The following SPATA7 variants were observed in gnomAD, a reference collection of about 807,000 sequenced individuals.
SPATA7 encodes spermatogenesis associated 7, also known as spermatogenesis-associated protein 7.
A neutral mutation model predicts 51.8 loss-of-function variants in SPATA7; 43 were observed. That is an observed-to-expected ratio of 0.83 (90% CI 0.65 to 1.07). The LOEUF (loss-of-function observed/expected upper bound fraction) is 1.07. Ranked by LOEUF, SPATA7 falls within the 50% of genes least tolerant of loss-of-function variation. The probability of loss-of-function intolerance (pLI) is 0.00; values close to 1 mark genes in which losing one functional copy is unlikely to be tolerated. For missense variants in SPATA7, 683 were observed against 701.3 expected (o/e 0.97, Z 0.30); for synonymous variants, 230 against 252.8 (o/e 0.91, Z 0.86).
chr14:88,385,719 CTCCTCTTTTCCAGTCCTCCACT>C lies in SPATA7; in HGVS notation c.-99_-78del. The C allele has an allele frequency of 8.4e-7, 1 of 1,195,070 alleles. No homozygotes were observed. The highest frequency in any genetic ancestry group is 1.2e-6 in the Non-Finnish European group (1 of 821,206). The allele number at this position is 1,195,070 out of a possible 1,614,324, so 74.0% of individuals were successfully genotyped here. ...TCCCTGCTGCTGCAGCCCCCGTCGG[CTCCTCTTTTCCAGTCCTCCACT>C]GCCGGGGCTGGGCCCGGCCGCGGGA... On this transcript the variant is annotated 5_prime_UTR_variant, in exon 1 of 12. Transcript: ENST00000393545.
chr14:88,469,447 G>GT lies in SPATA7; in HGVS notation c.255-397dup. The GT allele has an allele frequency of 7.0e-7, 1 of 1,437,260 alleles. No homozygotes were observed. The highest frequency in any genetic ancestry group is 1.4e-5 in the African/African-American group (1 of 71,250). The allele number at this position is 1,437,260 out of a possible 1,614,324, so 89.0% of individuals were successfully genotyped here. A position where few individuals can be genotyped will look rare whatever the true frequency, so the allele number is the denominator to read the frequency against. On this transcript the variant is annotated intron_variant, in intron 4 of 4. Coordinates refer to the SPATA7 transcript ENST00000556406. The surrounding 1 kb of genome is among the most constrained non-coding windows in gnomAD (Gnocchi z 4.3). The stretch of plus-strand genomic sequence containing the variant: ...TTCGGAAACATAAATGTTCCTCTCT[G>GT]TTTAACACCTCCAGAGGCAGCTGTC...
chr14:88,463,034 A>ATTT (rs1483572170), intron 4 of SPATA7, among the ~76,000 whole-genome samples: 2 of 152,146 alleles, frequency 1.3e-5, no homozygotes, highest in African/African-American at 2.4e-5. Context: ...TAATGTCAAC[A>ATTT]TTTTTGGAAA....
chr14:88,446,135 G>A (rs559467069), intron 3 of SPATA7, among the ~76,000 whole-genome samples: 1 of 152,244 alleles, frequency 6.6e-6, no homozygotes, highest in Non-Finnish European at 1.5e-5. Context: ...TGGTTGGTAA[G>A]CTATTGATTA....
chr14:88,434,907 T>G (rs1360278663), intron 10 of SPATA7, among the ~76,000 whole-genome samples: 1 of 151,764 alleles, frequency 6.6e-6, no homozygotes, highest in African/African-American at 2.4e-5. Flanking sequence ...AACTCTGAGG[T>G]TGGTTCATAA....
At chr14:88,421,085 G>C (rs2076629119) in intron 5 of SPATA7, among the ~76,000 whole-genome samples, 6 of 152,020 alleles carry the variant, frequency 3.9e-5, no homozygotes, top group Admixed American at 3.9e-4. Flanking sequence ...CTGCACTCCA[G>C]CCTGGTGACA....
At position 88,429,368 on chromosome 14, in the gene SPATA7, T is replaced by C. The variant is rs1460890853; in HGVS notation, c.933T>C (p.Tyr311=). The change falls in exon 8 of 12, where the codon TAT becomes TAC. Residue 311 remains tyrosine, a synonymous_variant. Transcript: ENST00000393545. ...CCCAGGCATCTAATTGTGTGACATA[T>C]GATGCCAAAGAAAAAATAGCTCCTT... The part of the protein sequence containing the change: ...NIKQASNCVT[Y]DAKEKIAPLP... The C allele has an allele frequency of 1.9e-6, 3 of 1,608,922 alleles. No homozygotes were observed. The highest frequency in any genetic ancestry group is 1.1e-5 in the South Asian group (1 of 90,976).
intron 4 of SPATA7, among the ~76,000 whole-genome samples, chr14:88,463,243 GAC>G (rs1280714995): frequency 1.3e-5 from 2 of 152,112 alleles, no homozygotes; most frequent in Non-Finnish European, 2.9e-5. Context: ...AAAGGTAGGG[GAC>G]AGTTTTGCCA....
chr14:88,468,282 G>T, intron 4 of SPATA7: 1 of 1,582,472 alleles, frequency 6.3e-7, no homozygotes, highest in Non-Finnish European at 8.6e-7. Flanking sequence ...TGAGAGAAAC[G>T]GTAATGAAGA....
chr14:88,451,443 G>A (rs575036936), intron 3 of SPATA7, among the ~76,000 whole-genome samples: 70 of 151,250 alleles, frequency 4.6e-4, no homozygotes, highest in South Asian at 2.3e-3. Flanking sequence ...TGCTGGGATT[G>A]CAGGCGTGAG....
chr14:88,392,100 C>A (rs1336857155), intron 2 of SPATA7, among the ~76,000 whole-genome samples: 1 of 151,960 alleles, frequency 6.6e-6, no homozygotes, highest in Non-Finnish European at 1.5e-5. Flanking sequence ...TCACTTATTT[C>A]TTTGTATTAC....
At chr14:88,445,783 T>A (rs1283658752) in intron 3 of SPATA7, among the ~76,000 whole-genome samples, 1 of 152,230 alleles carries the variant, frequency 6.6e-6, no homozygotes, top group African/African-American at 2.4e-5. Flanking sequence ...TATGCTGGAT[T>A]ACCTTTATTG....
At chr14:88,436,969 C>G (rs1341176878) in intron 10 of SPATA7, among the ~76,000 whole-genome samples, 1 of 151,030 alleles carries the variant, frequency 6.6e-6, no homozygotes, top group African/African-American at 2.4e-5. Flanking sequence ...AATAATGTCA[C>G]TGGTATTTTG....
downstream of SPATA7, among the ~76,000 whole-genome samples, chr14:88,443,245 T>C (rs1193874509): frequency 6.6e-6 from 1 of 152,160 alleles, no homozygotes; most frequent in Non-Finnish European, 1.5e-5. Flanking sequence ...GCCCAGCCTA[T>C]TTTTGTTGGT....
In SPATA7 at chr14:88,393,464, T is replaced by C; in HGVS notation, c.166T>C (p.Tyr56His). The C allele has an allele frequency of 1.9e-6, 3 of 1,602,608 alleles. No homozygotes were observed. The highest frequency in any genetic ancestry group is 2.6e-6 in the Non-Finnish European group (3 of 1,173,390). The change falls in exon 3 of 12, where the codon TAT becomes CAT. Residue 56 changes from tyrosine to histidine, a missense_variant. Transcript: ENST00000393545. ...GGTCAAGAATCACATGGCTGTTCAC[T>C]ATAATAAAATCCTTTCAGCCAAAGG... ...QLVKNHMAVH[Y>H]NKILSAKAAV...
chr14:88,432,606 A>G (rs1433702999), intron 9 of SPATA7: 5 of 152,358 alleles, frequency 3.3e-5, no homozygotes, highest in African/African-American at 1.2e-4. Context: ...GAGAAAAAAT[A>G]AATTTTTCTG....
chr14:88,402,044 TGCAACA>T (rs1383947572), intron 4 of SPATA7, among the ~76,000 whole-genome samples: 1 of 152,130 alleles, frequency 6.6e-6, no homozygotes, highest in Non-Finnish European at 1.5e-5. Context: ...CAATGCCATT[TGCAACA>T]GCAACAGAAA....
chr14:88,461,127 G>A (rs1281401710), intron 4 of SPATA7, among the ~76,000 whole-genome samples: 4 of 152,218 alleles, frequency 2.6e-5, no homozygotes, highest in African/African-American at 9.6e-5. Flanking sequence ...CTACTGGGAG[G>A]TGCCTCCCAG....
intron 2 of SPATA7, among the ~76,000 whole-genome samples, chr14:88,393,033 A>G (rs1179047379): frequency 1.3e-5 from 2 of 152,140 alleles, no homozygotes; most frequent in African/African-American, 4.8e-5. Flanking sequence ...AATTCCGTTG[A>G]TTAAGTATTA....
chr14:88,460,313 TG>T (rs1476244170), intron 4 of SPATA7, among the ~76,000 whole-genome samples: 1 of 152,208 alleles, frequency 6.6e-6, no homozygotes, highest in Non-Finnish European at 1.5e-5. Flanking sequence ...TTTTCCAACT[TG>T]GTTCCATTCT....
Sources: gnomAD v4.1 joint callset for allele counts (sites outside exome capture counted in the v4.1 genomes callset) on GRCh38, gnomAD v4.1.1 for gene constraint, Gnocchi (gnomAD v3.1) non-coding constraint, MANE v1.5 for transcripts, NCBI Gene and HGNC (gene_info 2026-07-23, HGNC 2026-07-21) for gene names.